Variants in SLC25A21 observed in about 807,000 individuals in gnomAD.
SLC25A21 encodes the protein solute carrier family 25 member 21.
A neutral mutation model predicts 43.8 loss-of-function variants in SLC25A21; 47 were observed. That is an observed-to-expected ratio of 1.07 (90% CI 0.85 to 1.37). The LOEUF is 1.37. Ranked by LOEUF, SLC25A21 falls within the 40% of genes most tolerant of loss-of-function variation. The probability of loss-of-function intolerance (pLI) is 0.00; values close to 1 mark genes in which losing one functional copy is unlikely to be tolerated. For missense variants in SLC25A21, 352 were observed against 350.2 expected, an observed-to-expected ratio of 1.00 and a Z score of -0.04; for synonymous variants, 131 against 121.3, an observed-to-expected ratio of 1.08 and a Z score of -0.52.
chr14:36,996,157 C>T (rs1960367368), intron 1 of SLC25A21, among the ~76,000 whole-genome samples: 1 of 152,118 alleles, frequency 6.6e-6, no homozygotes, highest in Admixed American at 6.6e-5. Context: ...ATATCACAAC[C>T]CTTGTGCCTT....
At chr14:37,055,395 G>C (rs1197519783) in intron 1 of SLC25A21, among the ~76,000 whole-genome samples, 1 of 152,180 alleles carries the variant, frequency 6.6e-6, no homozygotes, top group Non-Finnish European at 1.5e-5. Flanking sequence ...TATGTGGCCA[G>C]ATATCTTCAC....
chr14:36,678,953 GATT>G lies in SLC25A21; in HGVS notation c.*1702_*1704del, dbSNP rs1944967148. The G allele has an allele frequency of 3.6e-5, 35 of 981,744 alleles. No individual in the cohort carries two copies. Among genetic ancestry groups the G allele is most frequent in the Non-Finnish European group, 4.2e-5 (35 of 826,500 alleles). The allele number at this position is 981,744 out of a possible 1,614,324, so 60.8% of individuals were successfully genotyped here. On this transcript the variant is annotated 3_prime_UTR_variant, in exon 10 of 10. Transcript: ENST00000331299. Reference sequence around the variant, plus strand: ...ATGGATTAAAGGGTTAACTTTTAAAGATTATTATTGGTTAATGTTGACATATTT... The same window carrying G: ...ATGGATTAAAGGGTTAACTTTTAAAGATTATTGGTTAATGTTGACATATTT...
chr14:36,908,435 G>C (rs1891592122), intron 1 of SLC25A21, among the ~76,000 whole-genome samples: 1 of 152,154 alleles, frequency 6.6e-6, no homozygotes. Context: ...AGAAGAATTA[G>C]AAAGCATTCC....
At chr14:37,055,708 G>A (rs2138804334) in intron 1 of SLC25A21, among the ~76,000 whole-genome samples, 1 of 152,272 alleles carries the variant, frequency 6.6e-6, no homozygotes, top group South Asian at 2.1e-4. Context: ...AGACATGTGA[G>A]TGACCATCCA....
At chr14:36,810,876 G>GAAAGA (rs1888218311) in intron 3 of SLC25A21, among the ~76,000 whole-genome samples, 2 of 31,790 alleles carry the variant, frequency 6.3e-5, no homozygotes, top group Non-Finnish European at 8.5e-5. Flanking sequence ...CATATGTAGA[G>GAAAGA]AAAGAAAAGA....
intron 1 of SLC25A21, among the ~76,000 whole-genome samples, chr14:37,015,880 G>A (rs989715103): frequency 6.6e-6 from 1 of 152,126 alleles, no homozygotes; most frequent in African/African-American, 2.4e-5. Flanking sequence ...CCCACTTGTT[G>A]ATGGGGTTGT....
chr14:36,764,175 A>G (rs1200494834), intron 3 of SLC25A21, among the ~76,000 whole-genome samples: 3 of 76,352 alleles, frequency 3.9e-5, no homozygotes, highest in Admixed American at 1.6e-4. Context: ...AAAGAAAGAA[A>G]GAAAGAAAGA....
intron 3 of SLC25A21, among the ~76,000 whole-genome samples, chr14:36,807,334 T>C (rs17105392): frequency 0.044 from 6,650 of 152,160 alleles, 506 homozygotes; most frequent in African/African-American, 0.15. Flanking sequence ...GATGAATTGG[T>C]CTCTGTTAGA....
intron 2 of SLC25A21, among the ~76,000 whole-genome samples, chr14:36,871,398 T>C (rs990711367): frequency 3.3e-5 from 5 of 152,152 alleles, no homozygotes; most frequent in African/African-American, 1.2e-4. Context: ...TAAATTTCTG[T>C]TGTCTATAAG....
At chr14:36,983,271 T>G (rs1294763087) in intron 1 of SLC25A21, among the ~76,000 whole-genome samples, 1 of 152,198 alleles carries the variant, frequency 6.6e-6, no homozygotes, top group Non-Finnish European at 1.5e-5. Context: ...TTCTTTCACT[T>G]ACTTTTATTC....
intron 1 of SLC25A21, among the ~76,000 whole-genome samples, chr14:36,931,353 T>C (rs1892283415): frequency 6.6e-6 from 1 of 152,124 alleles, no homozygotes; most frequent in Non-Finnish European, 1.5e-5. Context: ...AGGATGCAGA[T>C]AGCTCACCAG....
intron 1 of SLC25A21, among the ~76,000 whole-genome samples, chr14:37,135,998 C>T (rs1963474245): frequency 6.6e-6 from 1 of 152,056 alleles, no homozygotes; most frequent in Admixed American, 6.6e-5. Flanking sequence ...GTCCATCTTA[C>T]TATCTATATT....
intron 1 of SLC25A21, among the ~76,000 whole-genome samples, chr14:37,161,788 G>A (rs1341630131): frequency 1.3e-4 from 19 of 151,298 alleles, no homozygotes; most frequent in Admixed American, 2.6e-4. Context: ...GTGAAACCCC[G>A]TCTCTACTAA....
chr14:36,837,521 T>C (rs570703515), intron 2 of SLC25A21, among the ~76,000 whole-genome samples: 1 of 152,156 alleles, frequency 6.6e-6, no homozygotes, highest in South Asian at 2.1e-4. Context: ...GGTTAGGTGA[T>C]GGGTGACACT....
chr14:36,796,505 C>T (rs1887679082), intron 3 of SLC25A21, among the ~76,000 whole-genome samples: 1 of 151,228 alleles, frequency 6.6e-6, no homozygotes, highest in African/African-American at 2.4e-5. Flanking sequence ...TGTTGAATTC[C>T]ATCTAGGACT....
intron 6 of SLC25A21, among the ~76,000 whole-genome samples, chr14:36,719,674 T>A (rs1884297198): frequency 6.6e-6 from 1 of 152,168 alleles, no homozygotes; most frequent in Non-Finnish European, 1.5e-5. Context: ...ATTTAAGAAG[T>A]GTAGGCAAGA....
intron 1 of SLC25A21, among the ~76,000 whole-genome samples, chr14:37,079,154 C>A (rs575569345): frequency 1.3e-5 from 2 of 152,158 alleles, no homozygotes; most frequent in Non-Finnish European, 2.9e-5. Context: ...TATATACTTG[C>A]AGAACTTTAA....
intron 1 of SLC25A21, among the ~76,000 whole-genome samples, chr14:37,014,006 C>T (rs1413461965): frequency 6.6e-6 from 1 of 151,920 alleles, no homozygotes; most frequent in Non-Finnish European, 1.5e-5. Context: ...TTCAAAAATA[C>T]TTTATTGCAA....
chr14:36,708,766 G>A (rs957955500), intron 7 of SLC25A21, among the ~76,000 whole-genome samples: 1 of 30,588 alleles, frequency 3.3e-5, no homozygotes, highest in Non-Finnish European at 7.7e-5. Flanking sequence ...TTTTTTTTTT[G>A]TAGCGATGAG....
Sources: gnomAD v4.1 joint callset for allele counts (sites outside exome capture counted in the v4.1 genomes callset) on GRCh38, gnomAD v4.1.1 for gene constraint, MANE v1.5 for transcripts, NCBI Gene and HGNC (gene_info 2026-07-23, HGNC 2026-07-21) for gene names.